KHDRBS2: variants seen among roughly 807,000 people sequenced by gnomAD.
KHDRBS2 encodes the protein KH domain-containing, RNA-binding, signal transduction-associated protein 2.
Under a neutral mutation model 44.3 loss-of-function variants are expected in KHDRBS2, and 26 were observed. The ratio of observed to expected loss-of-function variants is 0.59; its 90% CI spans 0.43 to 0.81. The LOEUF (loss-of-function observed/expected upper bound fraction) is 0.81. KHDRBS2 is among the 40% of genes least tolerant of loss of function. KHDRBS2 has a pLI of 0.00. For synonymous variants in KHDRBS2, 194 were observed against 151.1 expected (o/e 1.28, Z -2.08); for missense variants, 476 against 433.1 (o/e 1.10, Z -0.88).
At chr6:62,160,253 T>C (rs1389602813) in intron 2 of KHDRBS2, among the ~76,000 whole-genome samples, 1 of 151,978 alleles carries the variant, frequency 6.6e-6, no homozygotes, top group Non-Finnish European at 1.5e-5. Flanking sequence ...ATATATGCTA[T>C]GGGAAAAAAG....
the KHDRBS2 span, among the ~76,000 whole-genome samples, chr6:61,590,445 T>A: frequency 6.6e-6 from 1 of 152,226 alleles, no homozygotes; most frequent in Non-Finnish European, 1.5e-5. Flanking sequence ...TTCTGCAAGT[T>A]ACTCTGAGAT....
At chr6:62,034,073 G>A (rs1784819626) in intron 3 of KHDRBS2, among the ~76,000 whole-genome samples, 1 of 151,470 alleles carries the variant, frequency 6.6e-6, no homozygotes, top group African/African-American at 2.4e-5. Flanking sequence ...TAGAAGAAAT[G>A]AACAAATTCC....
In KHDRBS2 at chr6:62,204,514, T is replaced by G. The variant is rs192020886; in HGVS notation, c.92-27202A>C. Among the ~76,000 whole-genome samples, 492 of 152,258 alleles carry G rather than the reference T, an allele frequency of 3.2e-3. 8 individuals are homozygous for G. The highest frequency in any genetic ancestry group is 0.029 in the Admixed American group (448 of 15,282). On this transcript the variant is annotated intron_variant, in intron 1 of 8. Coordinates refer to ENST00000281156, the MANE Select transcript of KHDRBS2 (RefSeq NM_152688.4). The stretch of plus-strand genomic sequence containing the variant: ...GATGAGCATCCAAAATCTAAACATC[T>G]GCAAAATGTTTCAGTGAGCGTTCTC...
intron 1 of KHDRBS2, among the ~76,000 whole-genome samples, chr6:62,218,424 A>G (rs1208977327): frequency 6.6e-6 from 1 of 151,892 alleles, no homozygotes; most frequent in Non-Finnish European, 1.5e-5. Context: ...AGCAAAGATA[A>G]CATGACATGA....
At chr6:61,549,139 A>T in the KHDRBS2 span, among the ~76,000 whole-genome samples, 1 of 152,182 alleles carries the variant, frequency 6.6e-6, no homozygotes, top group Non-Finnish European at 1.5e-5. Flanking sequence ...TAGGGAGATT[A>T]AGGAGGGCAT....
At chr6:62,205,110 A>C (rs1293499877) in intron 1 of KHDRBS2, among the ~76,000 whole-genome samples, 5 of 152,176 alleles carry the variant, frequency 3.3e-5, no homozygotes, top group Admixed American at 2.0e-4. Flanking sequence ...CTTGTGTAAC[A>C]TAAGCCACTG....
chr6:62,038,618 C>G (rs539444685), intron 3 of KHDRBS2, among the ~76,000 whole-genome samples: 1 of 152,002 alleles, frequency 6.6e-6, no homozygotes, highest in Non-Finnish European at 1.5e-5. Context: ...CTGCTGATGA[C>G]GCACTTGAGT....
chr6:62,139,887 C>T (rs1429012405), intron 2 of KHDRBS2, among the ~76,000 whole-genome samples: 2 of 142,134 alleles, frequency 1.4e-5, no homozygotes, highest in Non-Finnish European at 3.1e-5. Context: ...CCTCCCCACT[C>T]CCCGCCCACC....
At chr6:61,558,443 T>C in the KHDRBS2 span, among the ~76,000 whole-genome samples, 1 of 152,114 alleles carries the variant, frequency 6.6e-6, no homozygotes, top group East Asian at 1.9e-4. Context: ...ATGCCTATCG[T>C]TCCAGCCACT....
chr6:62,117,942 A>AT (rs1806669385), intron 2 of KHDRBS2, among the ~76,000 whole-genome samples: 1 of 151,894 alleles, frequency 6.6e-6, no homozygotes, highest in Non-Finnish European at 1.5e-5. Flanking sequence ...CACCTGGCTA[A>AT]TTTTTGTATT....
chr6:61,801,014 A>C (rs1786169256), intron 6 of KHDRBS2, among the ~76,000 whole-genome samples: 3 of 152,148 alleles, frequency 2.0e-5, no homozygotes, highest in Admixed American at 1.3e-4. Flanking sequence ...GGCCAAATAC[A>C]TGCCTGCATT....
intron 6 of KHDRBS2, among the ~76,000 whole-genome samples, chr6:61,858,851 A>AT (rs1319952276): frequency 6.6e-6 from 1 of 151,954 alleles, no homozygotes; most frequent in East Asian, 1.9e-4. Flanking sequence ...TGGCCAGATT[A>AT]TCGGGAAACC....
At chr6:61,733,603 G>T (rs202232614) in intron 6 of KHDRBS2, among the ~76,000 whole-genome samples, 1 of 119,048 alleles carries the variant, frequency 8.4e-6, no homozygotes, top group African/African-American at 3.0e-5. Context: ...TCTCAAAAAA[G>T]AAAAAAAAAA....
the KHDRBS2 span, among the ~76,000 whole-genome samples, chr6:61,610,088 A>G: frequency 6.6e-6 from 1 of 152,074 alleles, no homozygotes; most frequent in East Asian, 1.9e-4. Flanking sequence ...AGGCAGGAGA[A>G]TGGCGTGAAC....
At chr6:61,642,253 A>C in the KHDRBS2 span, among the ~76,000 whole-genome samples, 2 of 151,922 alleles carry the variant, frequency 1.3e-5, no homozygotes, top group African/African-American at 4.8e-5. Context: ...TCACTTTTTT[A>C]TTTGCCATTA....
the KHDRBS2 span, among the ~76,000 whole-genome samples, chr6:61,576,462 C>G: frequency 2.0e-5 from 3 of 151,988 alleles, no homozygotes; most frequent in African/African-American, 7.2e-5. Context: ...AATCTAGGAG[C>G]CTTGTGGAGG....
the KHDRBS2 span, among the ~76,000 whole-genome samples, chr6:61,557,643 C>T: frequency 0.024 from 3,716 of 152,136 alleles, 70 homozygotes; most frequent in Middle Eastern, 0.085. Context: ...ATAGTAGTAG[C>T]CTCATAGAGT....
intron 2 of KHDRBS2, among the ~76,000 whole-genome samples, chr6:62,107,694 T>C (rs1173135469): frequency 1.3e-5 from 2 of 152,116 alleles, no homozygotes; most frequent in Non-Finnish European, 2.9e-5. Context: ...CTTCAAACTA[T>C]ACTACAAGGC....
intron 4 of KHDRBS2, among the ~76,000 whole-genome samples, chr6:61,903,207 A>T (rs1043455489): frequency 6.6e-6 from 1 of 152,230 alleles, no homozygotes; most frequent in Admixed American, 6.5e-5. Flanking sequence ...ACCAGGTACT[A>T]TCAAAATGAA....
Sources: allele counts gnomAD v4.1 joint callset (sites outside exome capture counted in the v4.1 genomes callset), GRCh38; gene constraint gnomAD v4.1.1; transcripts MANE v1.5; gene names NCBI Gene and HGNC (gene_info 2026-07-23, HGNC 2026-07-21).